NWD2: variants seen among roughly 807,000 people sequenced by gnomAD.
NWD2 encodes NACHT and WD repeat domain containing 2.
A neutral mutation model predicts 132.7 loss-of-function variants in NWD2; 37 were observed. That is an observed-to-expected ratio of 0.28 (90% CI 0.21 to 0.37). The LOEUF (loss-of-function observed/expected upper bound fraction) is 0.37. Among genes scored for constraint, NWD2 ranks in the 10% least tolerant of loss-of-function variants. NWD2 has a pLI of 1.00. For synonymous variants in NWD2, 705 were observed against 803.0 expected (o/e 0.88, Z 2.06); for missense variants, 1,592 against 2,122.4 (o/e 0.75, Z 4.91).
intron 5 of NWD2, 28 bp downstream of exon 5, chr4:37,434,048 A>C: frequency 6.8e-7 from 1 of 1,479,056 alleles, no homozygotes; most frequent in Non-Finnish European, 9.2e-7. Flanking sequence ...TCAGTAAAAT[A>C]AGAAATATAT....
Position 37,245,112 on chromosome 4 carries a change from C to A in NWD2, c.45C>A (p.Asp15Glu). 1 of 1,547,892 alleles carries A rather than the reference C, an allele frequency of 6.5e-7. No individual in the cohort carries two copies. The highest frequency in any genetic ancestry group is 1.4e-5 in the African/African-American group (1 of 73,086). Residue 15 changes from aspartate to glutamate, a missense_variant, in exon 1 of 7, where the codon GAC (aspartate) becomes GAA (glutamate). Transcript: ENST00000309447. ...GCACCAAGCTGCCCTGTCCCCGAGA[C>A]TCTGCGCTCCGGCGGGCGGCTTTCT... ...GAGTKLPCPR[D>E]SALRRAAFSG...
At chr4:37,394,476 G>GCCT (rs1319726417) in intron 3 of NWD2, among the ~76,000 whole-genome samples, 8 of 152,112 alleles carry the variant, frequency 5.3e-5, no homozygotes, top group African/African-American at 1.9e-4. Flanking sequence ...CCAGAAATAG[G>GCCT]CATTTAAGTA....
chr4:37,434,236 T>G (rs1712254605), intron 5 of NWD2, among the ~76,000 whole-genome samples: 1 of 152,228 alleles, frequency 6.6e-6, no homozygotes, highest in South Asian at 2.1e-4. Context: ...AATGTGATTT[T>G]AAAAGAAGCC....
chr4:37,407,317 G>A lies in NWD2; in HGVS notation c.358-23255G>A, dbSNP rs182159420. 3.9e-3 allele frequency among the ~76,000 whole-genome samples: 584 copies of A among 150,970 alleles called. 3 individuals are homozygous for A. Among genetic ancestry groups the A allele is most frequent in the African/African-American group, 0.013 (519 of 41,020 alleles). On this transcript the variant is annotated intron_variant, in intron 3 of 6. Transcript: ENST00000309447. ...AAGAAGGCAAATGACAACAGGAGGA[G>A]TGGCACCCAGCTAAATCTACACTGT...
chr4:37,367,191 A>G (rs1720119620), intron 3 of NWD2, among the ~76,000 whole-genome samples: 1 of 152,032 alleles, frequency 6.6e-6, no homozygotes, highest in Non-Finnish European at 1.5e-5. Flanking sequence ...ATGACTAAAC[A>G]TGTCTAAATG....
Position 37,443,182 on chromosome 4 carries a change from C to T in NWD2, c.1297-103C>T. 1 of 1,038,512 alleles carries T rather than the reference C, an allele frequency of 9.6e-7. No homozygotes were observed. Among genetic ancestry groups the T allele is most frequent in the Non-Finnish European group, 1.4e-6 (1 of 730,850 alleles). The allele number at this position is 1,038,512 out of a possible 1,614,324, so 64.3% of individuals were successfully genotyped here. A position where few individuals can be genotyped will look rare whatever the true frequency, so the allele number is the denominator to read the frequency against. ...TTTTGGTCCTAAGCTATTTCCTGCACAGCAGAGGAGACCAGAAATCTGAGC... is the reference window on the plus strand; with the variant it reads ...TTTTGGTCCTAAGCTATTTCCTGCATAGCAGAGGAGACCAGAAATCTGAGC... On this transcript the variant is annotated intron_variant, in intron 6 of 6. Coordinates refer to ENST00000309447, the MANE Select transcript of NWD2 (RefSeq NM_001144990.2). This position sits in a 1 kb window ranked among gnomAD's most constrained non-coding sequence, Gnocchi z 4.1.
intron 1 of NWD2, among the ~76,000 whole-genome samples, chr4:37,278,664 C>T (rs78890259): frequency 0.013 from 1,984 of 152,262 alleles, 40 homozygotes; most frequent in African/African-American, 0.045. Context: ...AATCCACCAG[C>T]CCCTGAACCT....
intron 1 of NWD2, among the ~76,000 whole-genome samples, chr4:37,276,026 G>T (rs1718004671): frequency 6.6e-6 from 1 of 152,048 alleles, no homozygotes; most frequent in South Asian, 2.1e-4. Context: ...TACCATTCAG[G>T]ACATAGGCAT....
At chr4:37,408,629 A>C (rs765629043) in intron 3 of NWD2, among the ~76,000 whole-genome samples, 2 of 152,204 alleles carry the variant, frequency 1.3e-5, no homozygotes, top group Non-Finnish European at 2.9e-5. Context: ...TCCCTAACTG[A>C]TGGCTCTGAA....
chr4:37,324,748 T>C (rs1202705803), intron 1 of NWD2, among the ~76,000 whole-genome samples: 4 of 152,174 alleles, frequency 2.6e-5, no homozygotes, highest in Non-Finnish European at 4.4e-5. Context: ...GATTTCTGTG[T>C]AAACACTGGT....
intron 3 of NWD2, among the ~76,000 whole-genome samples, chr4:37,393,489 A>AT (rs1214999476): frequency 6.6e-6 from 1 of 152,224 alleles, no homozygotes; most frequent in Non-Finnish European, 1.5e-5. Context: ...ATTACTCAAT[A>AT]TAAGTACAAC....
intron 1 of NWD2, 63 bp downstream of exon 1, chr4:37,245,281 G>A: frequency 1.4e-6 from 2 of 1,477,756 alleles, no homozygotes; most frequent in Non-Finnish European, 1.8e-6. Flanking sequence ...GGGAGCTGGA[G>A]AGTGTGTGTC....
chr4:37,288,032 C>T (rs762346189), intron 1 of NWD2, among the ~76,000 whole-genome samples: 10 of 152,106 alleles, frequency 6.6e-5, no homozygotes, highest in Non-Finnish European at 1.5e-4. Flanking sequence ...AAGCTGGAAA[C>T]CATCATCCTC....
chr4:37,396,225 T>C (rs1392871601), intron 3 of NWD2, among the ~76,000 whole-genome samples: 3 of 152,194 alleles, frequency 2.0e-5, no homozygotes, highest in African/African-American at 4.8e-5. Context: ...ACAAATGATA[T>C]TATCCGATTG....
intron 3 of NWD2, among the ~76,000 whole-genome samples, chr4:37,368,492 T>C (rs1432973572): frequency 1.3e-5 from 2 of 152,188 alleles, no homozygotes; most frequent in Non-Finnish European, 2.9e-5. Flanking sequence ...CCTTGACCTC[T>C]TAAGCACCCA....
At chr4:37,344,891 G>A (rs529870456) in intron 2 of NWD2, among the ~76,000 whole-genome samples, 1 of 152,146 alleles carries the variant, frequency 6.6e-6, no homozygotes, top group South Asian at 2.1e-4. Context: ...CTCCTCACTA[G>A]CCCTAAGCAA....
At chr4:37,414,914 A>G (rs982019455) in intron 3 of NWD2, among the ~76,000 whole-genome samples, 2 of 152,214 alleles carry the variant, frequency 1.3e-5, no homozygotes, top group Non-Finnish European at 2.9e-5. Context: ...TATTTTACAG[A>G]TAAGGGAGCA....
chr4:37,410,456 C>T (rs1230503292), intron 3 of NWD2, among the ~76,000 whole-genome samples: 2 of 152,124 alleles, frequency 1.3e-5, no homozygotes, highest in African/African-American at 4.8e-5. Flanking sequence ...GCTAACTATC[C>T]TAAATATATA....
intron 2 of NWD2, among the ~76,000 whole-genome samples, chr4:37,346,891 T>C (rs79241563): frequency 2.5e-3 from 373 of 152,214 alleles, no homozygotes; most frequent in Non-Finnish European, 4.0e-3. Context: ...TAGAAATAGG[T>C]TTTTGTATAT....
Sources: allele counts gnomAD v4.1 joint callset (sites outside exome capture counted in the v4.1 genomes callset), GRCh38; gene constraint gnomAD v4.1.1; non-coding constraint Gnocchi (gnomAD v3.1); transcripts MANE v1.5; gene names NCBI Gene and HGNC (gene_info 2026-07-23, HGNC 2026-07-21).